TECPR1: variants seen among roughly 807,000 people sequenced by gnomAD.
TECPR1 encodes tectonin beta-propeller repeat containing 1.
Under a neutral mutation model 162.4 loss-of-function variants are expected in TECPR1, and 122 were observed. The observed-to-expected ratio is 0.75, with a 90% CI of 0.65 to 0.87. The LOEUF is 0.87. TECPR1 is among the 40% of genes least tolerant of loss of function. TECPR1 has a pLI of 0.00. For missense variants in TECPR1, 1,432 were observed against 1,618.2 expected, an observed-to-expected ratio of 0.88 and a Z score of 1.97; for synonymous variants, 642 against 670.6, an observed-to-expected ratio of 0.96 and a Z score of 0.66.
intron 17 of TECPR1, chr7:98,226,620 G>A (rs1031902413): frequency 3.1e-5 from 33 of 1,047,924 alleles, no homozygotes; most frequent in Middle Eastern, 9.3e-4. Context: ...TGTTTATTTC[G>A]TCAATTTGGA....
At chr7:98,236,973 C>G (rs1033949884) in intron 9 of TECPR1, 52 bp from the exon 10 acceptor site, 1 of 1,472,392 alleles carries the variant, frequency 6.8e-7, no homozygotes, top group Admixed American at 2.4e-5. Context: ...CCCGGGGGCT[C>G]TTCTCGCTTC....
chr7:98,241,134 CAGG>C lies in TECPR1; in HGVS notation c.765_767del (p.Leu256del). The C allele has an allele frequency of 6.2e-7, 1 of 1,612,636 alleles. No homozygotes were observed. The highest frequency in any genetic ancestry group is 8.5e-7 in the Non-Finnish European group (1 of 1,179,704). On this transcript the variant is annotated inframe_deletion, in exon 7 of 26. Coordinates refer to ENST00000447648, the MANE Select transcript of TECPR1 (RefSeq NM_015395.3). This position sits in a 1 kb window ranked among gnomAD's most constrained non-coding sequence, Gnocchi z 5.0. ...CCTGTCCCTCCCAGAGTGTGGCCCA[CAGG>C]AGGTCGTGGGGCCCACAGCTGATCT...
chr7:98,240,960 C>T lies in TECPR1; in HGVS notation c.833-9G>A, dbSNP rs1227181260. 1 of 1,600,244 alleles carries T rather than the reference C, an allele frequency of 6.2e-7. No individual in the cohort carries two copies. Among genetic ancestry groups the T allele is most frequent in the Non-Finnish European group, 8.5e-7 (1 of 1,174,666 alleles). On this transcript the variant is annotated splice_polypyrimidine_tract_variant and intron_variant, in intron 7 of 25. Transcript: ENST00000447648. Reference sequence around the variant, plus strand: ...GATGGACCAGGAACTTCCTACCGGGCCCCCAAGAAACCCCCAGTGGCCCCC... The same window carrying T: ...GATGGACCAGGAACTTCCTACCGGGTCCCCAAGAAACCCCCAGTGGCCCCC...
At position 98,223,016 on chromosome 7, in the gene TECPR1, G is replaced by A. The variant is rs1240711551; in HGVS notation, c.2902C>T (p.Leu968=). The A allele has an allele frequency of 6.2e-7, 1 of 1,611,912 alleles. No individual in the cohort carries two copies. Among genetic ancestry groups the A allele is most frequent in the South Asian group, 1.1e-5 (1 of 90,894 alleles). ...VSDKGDVLCR[L]GVSELNPAGS... Reference sequence around the variant, plus strand: ...GCAGGGTTGAGCTCCGACACGCCCAGGCGGCACAGCACATCCCCCTTGTCG... The same window carrying A: ...GCAGGGTTGAGCTCCGACACGCCCAAGCGGCACAGCACATCCCCCTTGTCG... The change falls in exon 21 of 26, where the codon CTG becomes TTG. Residue 968 remains leucine (L), a synonymous_variant. Transcript: ENST00000447648.
rs558412658 is a variant in TECPR1 at position 98,232,158 on chromosome 7, G to A, written c.1819-199C>T. Among the ~76,000 whole-genome samples the A allele has an allele frequency of 6.6e-6, 1 of 152,228 alleles. No homozygotes were observed. Among genetic ancestry groups the A allele is most frequent in the South Asian group, 2.1e-4 (1 of 4,820 alleles). ...ACCCAATAGGTGCAGGCTGAGCCAG[G>A]GCTGTTCCGTACAACCTCCTCTCTC... On this transcript the variant is annotated intron_variant, in intron 12 of 25. Transcript: ENST00000447648. This position sits in a 1 kb window ranked among gnomAD's most constrained non-coding sequence, Gnocchi z 4.6.
rs1040972297 is a variant in TECPR1 at position 98,232,311 on chromosome 7, A to C, written c.1819-352T>G. ...AGAGCTAGAACCCAAACCACAGCCT[A>C]CTTGTGTCCAGGGGCCTTTGGAATG... On this transcript the variant is annotated intron_variant, in intron 12 of 25. Transcript: ENST00000447648. This position sits in a 1 kb window ranked among gnomAD's most constrained non-coding sequence, Gnocchi z 4.6. Among the ~76,000 whole-genome samples the C allele has an allele frequency of 5.9e-5, 9 of 152,026 alleles. No homozygotes were observed. Among genetic ancestry groups the C allele is most frequent in the African/African-American group, 1.9e-4 (8 of 41,382 alleles).
In TECPR1 at chr7:98,228,048, G is replaced by C; in HGVS notation, c.2479C>G (p.Gln827Glu). Reference protein sequence around the residue: ...DVKCVHIYENQRWNPVTGYTS... With the variant: ...DVKCVHIYENERWNPVTGYTS... ...TAGCCTGTGACGGGGTTCCAGCGCT[G>C]GTTCTCATAGATGTGAACACACTTC... Residue 827 changes from glutamine to glutamate, a missense_variant, in exon 17 of 26, where the codon CAG becomes GAG. Gln to Glu is a conservative substitution (Grantham distance 29). Coordinates refer to ENST00000447648, the MANE Select transcript of TECPR1 (RefSeq NM_015395.3). The C allele has an allele frequency of 6.2e-7, 1 of 1,613,036 alleles. No individual in the cohort carries two copies. Among genetic ancestry groups the C allele is most frequent in the Non-Finnish European group, 8.5e-7 (1 of 1,179,614 alleles).
chr7:98,248,578 A>T (rs1393627316), intron 2 of TECPR1, among the ~76,000 whole-genome samples: 5 of 139,282 alleles, frequency 3.6e-5, no homozygotes, highest in African/African-American at 1.4e-4. Context: ...GTGGTGGCTC[A>T]CACCTGTAAA....
chr7:98,231,492 C>T, intron 13 of TECPR1, 119 bp from the exon 14 acceptor site: 2 of 1,084,710 alleles, frequency 1.8e-6, no homozygotes, highest in Non-Finnish European at 2.6e-6. Context: ...CTCCTGGCAC[C>T]CCCAGCCCTG....
chr7:98,223,572 T>C (rs1262012332), intron 20 of TECPR1, 90 bp downstream of exon 20: 104 of 1,411,534 alleles, frequency 7.4e-5, no homozygotes, highest in Non-Finnish European at 1.0e-4. Context: ...GGCCAGGAGA[T>C]CTGGCCCGGG....
At position 98,218,042 on chromosome 7, in the gene TECPR1, C is replaced by T. The variant is rs1798058714; in HGVS notation, c.3158G>A (p.Gly1053Glu). 1 of 1,560,404 alleles carries T rather than the reference C, an allele frequency of 6.4e-7. No homozygotes were observed. The highest frequency in any genetic ancestry group is 8.7e-7 in the Non-Finnish European group (1 of 1,152,794). ...GATCCCTTGGCGATACCACAGGTTT[C>T]CTGGGGAGAAAAGCAGTGAGGGTCA... is the stretch of plus-strand genomic sequence containing the variant. Reference protein sequence around the residue: ...QTSVYALDENGNLWYRQGITP... With the variant: ...QTSVYALDENENLWYRQGITP... Residue 1053 changes from glycine (G) to glutamate (E), a missense_variant and splice_region_variant, in exon 24 of 26, where the codon GGA becomes GAA. Coordinates refer to ENST00000447648, the MANE Select transcript of TECPR1 (RefSeq NM_015395.3).
At chr7:98,243,395 G>C in intron 6 of TECPR1, 72 bp downstream of exon 6, 1 of 1,584,500 alleles carries the variant, frequency 6.3e-7, no homozygotes, top group South Asian at 1.1e-5. Flanking sequence ...CAAGACCCAG[G>C]GGGTGCACAG....
chr7:98,219,109 G>T (rs1584319552), intron 23 of TECPR1, among the ~76,000 whole-genome samples: 1 of 152,148 alleles, frequency 6.6e-6, no homozygotes, highest in South Asian at 2.1e-4. Flanking sequence ...ATTGATCTTT[G>T]AGAAAGCATA....
chr7:98,243,565 G>A lies in TECPR1; in HGVS notation c.559C>T (p.Leu187=), dbSNP rs1317187189. 6.2e-7 allele frequency: 1 copy of A among 1,612,546 alleles called. No homozygotes were observed. Among genetic ancestry groups the A allele is most frequent in the Admixed American group, 1.7e-5 (1 of 60,002 alleles). Residue 187 remains leucine, a synonymous_variant, in exon 6 of 26, where the codon CTG becomes TTG. Transcript: ENST00000447648. ...GAGAGGTCGTTGAAGGGGTCGGGCA[G>A]CTCCTTGGGGTCATCCTTCGAGGGG... ...KIPSKDDPKE[L]PDPFNDLSVG...
chr7:98,244,982 C>A lies in TECPR1; in HGVS notation c.311G>T (p.Arg104Leu). ...GGGCAGTGCCACCCTGTCCAGCGGC[C>A]GGTGCTGGAGCCCACTCACGTCACT... ...GWSDVSGLQH[R>L]PLDRVALPSP... The change falls in exon 4 of 26, where the codon CGG becomes CTG. Residue 104 changes from arginine (R) to leucine (L), a missense_variant. Arg to Leu is a moderately radical substitution (Grantham distance 102). Transcript: ENST00000447648. 6.2e-7 allele frequency: 1 copy of A among 1,612,270 alleles called. No homozygotes were observed. The highest frequency in any genetic ancestry group is 8.5e-7 in the Non-Finnish European group (1 of 1,179,592).
intron 6 of TECPR1, among the ~76,000 whole-genome samples, chr7:98,242,585 C>T (rs1416802002): frequency 4.8e-5 from 7 of 145,640 alleles, no homozygotes; most frequent in South Asian, 4.5e-4. Context: ...CATCCATCCA[C>T]CCATCTATCC....
chr7:98,223,244 G>A lies in TECPR1; in HGVS notation c.2748-74C>T, dbSNP rs1798187479. ...AGGCTCCAGGGCCTCTGCCTCTGGAGCCAGGAGGAGGAAAGCAGCCAACCC... is the reference window on the plus strand; with the variant it reads ...AGGCTCCAGGGCCTCTGCCTCTGGAACCAGGAGGAGGAAAGCAGCCAACCC... On this transcript the variant is annotated intron_variant, in intron 20 of 25. Transcript: ENST00000447648. 2.6e-5 allele frequency: 37 copies of A among 1,439,834 alleles called. No individual in the cohort carries two copies. The South Asian group carries it at 4.3e-4, about 17-fold the overall frequency. The allele number at this position is 1,439,834 out of a possible 1,614,324, so 89.2% of individuals were successfully genotyped here. A position where few individuals can be genotyped will look rare whatever the true frequency, so the allele number is the denominator to read the frequency against.
At position 98,232,929 on chromosome 7, in the gene TECPR1, C is replaced by A; in HGVS notation, c.1716G>T (p.Pro572=). 6.2e-7 allele frequency: 1 copy of A among 1,612,694 alleles called. No individual in the cohort carries two copies. Among genetic ancestry groups the A allele is most frequent in the South Asian group, 1.1e-5 (1 of 91,064 alleles). ...SVHMLSLSIT[P]AQTAAWRKQI... ...GCTTCCTCCAGGCAGCGGTCTGGGCCGGCGTGATGGACAGGGACAGCATGT... is the reference window on the plus strand; with the variant it reads ...GCTTCCTCCAGGCAGCGGTCTGGGCAGGCGTGATGGACAGGGACAGCATGT... The change falls in exon 12 of 26, where the codon CCG becomes CCT. Residue 572 remains proline (P), a synonymous_variant. Transcript: ENST00000447648. This position sits in a 1 kb window ranked among gnomAD's most constrained non-coding sequence, Gnocchi z 4.6.
chr7:98,231,775 G>T, intron 13 of TECPR1, 29 bp downstream of exon 13: 1 of 1,601,754 alleles, frequency 6.2e-7, no homozygotes, highest in Non-Finnish European at 8.5e-7. Flanking sequence ...CCCCTCCCTG[G>T]CCCCATCTCC....
Sources: gnomAD v4.1 joint callset for allele counts (sites outside exome capture counted in the v4.1 genomes callset) on GRCh38, gnomAD v4.1.1 for gene constraint, Gnocchi (gnomAD v3.1) non-coding constraint, MANE v1.5 for transcripts, NCBI Gene and HGNC (gene_info 2026-07-23, HGNC 2026-07-21) for gene names.